Variants in JAK2 observed in about 807,000 individuals in gnomAD.
JAK2 encodes Janus kinase 2.
JAK2 carries 86 observed loss-of-function variants against 139.3 expected under a neutral mutation model. The observed-to-expected ratio is 0.62, with a 90% CI of 0.52 to 0.74. The LOEUF (loss-of-function observed/expected upper bound fraction) is 0.74, where lower values mean the gene tolerates loss of function less well. JAK2 is among the 30% of genes least tolerant of loss of function. The pLI is 0.00. For missense variants in JAK2, 1,421 were observed against 1,360.3 expected (o/e 1.04, Z -0.70); for synonymous variants, 490 against 437.7 (o/e 1.12, Z -1.49).
At chr9:5,006,580 A>C (rs1821317027) in intron 2 of JAK2, among the ~76,000 whole-genome samples, 1 of 152,202 alleles carries the variant, frequency 6.6e-6, no homozygotes, top group African/African-American at 2.4e-5. Context: ...CAGGAAATTT[A>C]CAATCATGGT....
At chr9:5,007,263 A>G (rs1467392434) in intron 2 of JAK2, among the ~76,000 whole-genome samples, 1 of 152,176 alleles carries the variant, frequency 6.6e-6, no homozygotes, top group Non-Finnish European at 1.5e-5. Context: ...ATCTTAGTAT[A>G]CACTTTTACT....
chr9:5,017,249 A>C (rs1254186860), intron 2 of JAK2, among the ~76,000 whole-genome samples: 1 of 152,234 alleles, frequency 6.6e-6, no homozygotes, highest in African/African-American at 2.4e-5. Flanking sequence ...ACAGAGCCCC[A>C]CTGAAAGGTC....
At chr9:5,081,426 A>G (rs942636866) in intron 18 of JAK2, among the ~76,000 whole-genome samples, 64 of 152,198 alleles carry the variant, frequency 4.2e-4, no homozygotes, top group African/African-American at 1.5e-3. Flanking sequence ...GGTGCTTTCT[A>G]CCCCAGTACT....
chr9:5,039,228 G>T (rs79642781), intron 4 of JAK2, among the ~76,000 whole-genome samples: 1 of 152,014 alleles, frequency 6.6e-6, no homozygotes, highest in Non-Finnish European at 1.5e-5. Flanking sequence ...TAGTCATCCC[G>T]CTGTATCCAT....
intron 23 of JAK2, chr9:5,126,111 G>T: frequency 5.0e-6 from 2 of 398,228 alleles, no homozygotes; most frequent in East Asian, 8.0e-5. Context: ...CTCCTCAGGG[G>T]ATTTGTGTTG....
chr9:5,059,938 T>G (rs1481073811), intron 8 of JAK2, among the ~76,000 whole-genome samples: 3 of 152,178 alleles, frequency 2.0e-5, no homozygotes, highest in Non-Finnish European at 4.4e-5. Context: ...ATTCTAAGTC[T>G]TTTGTAGGAT....
intron 8 of JAK2, among the ~76,000 whole-genome samples, chr9:5,062,965 C>T (rs1818290617): frequency 6.6e-6 from 1 of 151,880 alleles, no homozygotes; most frequent in Non-Finnish European, 1.5e-5. Context: ...TAGGTATATT[C>T]CTTTGTTATA....
chr9:5,035,966 G>T (rs921405522), intron 4 of JAK2, among the ~76,000 whole-genome samples: 7 of 152,156 alleles, frequency 4.6e-5, no homozygotes, highest in South Asian at 2.1e-4. Flanking sequence ...TGACATGATT[G>T]TATATCTGGA....
intron 19 of JAK2, chr9:5,086,076 A>C (rs574036238): frequency 3.0e-6 from 2 of 665,102 alleles, no homozygotes; most frequent in South Asian, 3.0e-5. Flanking sequence ...TATCTGAGAC[A>C]AGTCAAGTCC....
chr9:5,121,643 G>A (rs1369129279), intron 22 of JAK2, among the ~76,000 whole-genome samples: 2 of 152,156 alleles, frequency 1.3e-5, no homozygotes, highest in African/African-American at 4.8e-5. Context: ...AAGAGGCTTT[G>A]AAGCAAGAGA....
intron 2 of JAK2, among the ~76,000 whole-genome samples, chr9:4,999,295 A>C (rs1206988448): frequency 6.6e-6 from 1 of 152,200 alleles, no homozygotes; most frequent in Admixed American, 6.5e-5. Flanking sequence ...TTCTTAAGTG[A>C]AAGAATCATG....
chr9:5,079,296 CTA>C (rs1415579101), intron 16 of JAK2, among the ~76,000 whole-genome samples: 1 of 152,152 alleles, frequency 6.6e-6, no homozygotes, highest in Non-Finnish European at 1.5e-5. Flanking sequence ...GTCTGTCTGT[CTA>C]TGTCAGAATA....
chr9:5,001,356 C>T (rs997222459), intron 2 of JAK2, among the ~76,000 whole-genome samples: 2 of 151,980 alleles, frequency 1.3e-5, no homozygotes, highest in African/African-American at 4.8e-5. Context: ...TGAGGAAATT[C>T]CCTTCTTTTT....
intron 2 of JAK2, among the ~76,000 whole-genome samples, chr9:5,003,772 G>A (rs1821084971): frequency 6.6e-6 from 1 of 152,046 alleles, no homozygotes; most frequent in Non-Finnish European, 1.5e-5. Context: ...AGACATGATT[G>A]TTACGTTTTT....
intron 8 of JAK2, among the ~76,000 whole-genome samples, chr9:5,063,378 C>T (rs1818326035): frequency 6.6e-6 from 1 of 152,202 alleles, no homozygotes; most frequent in Non-Finnish European, 1.5e-5. Context: ...AGAAGTACCT[C>T]TTCGATCACA....
chr9:5,050,231 G>T (rs1817317904), intron 5 of JAK2, among the ~76,000 whole-genome samples: 1 of 152,166 alleles, frequency 6.6e-6, no homozygotes, highest in Non-Finnish European at 1.5e-5. Context: ...ATTTGCAAAT[G>T]AACTTTTATT....
chr9:5,117,331 T>A (rs1823272972), intron 22 of JAK2, among the ~76,000 whole-genome samples: 1 of 152,226 alleles, frequency 6.6e-6, no homozygotes, highest in Non-Finnish European at 1.5e-5. Context: ...GGTGGGAAAT[T>A]AGAGGCTTTA....
At chr9:5,008,855 T>C (rs1183193865) in intron 2 of JAK2, among the ~76,000 whole-genome samples, 3 of 152,190 alleles carry the variant, frequency 2.0e-5, no homozygotes, top group Non-Finnish European at 4.4e-5. Context: ...TTTAGAATTG[T>C]ACTCCCTGGA....
At chr9:5,078,171 T>C (rs1425990172) in intron 15 of JAK2, 135 bp from the exon 16 acceptor site, 2 of 639,504 alleles carry the variant, frequency 3.1e-6, no homozygotes, top group Non-Finnish European at 5.2e-6. Flanking sequence ...TTTCCTTTTT[T>C]CTCAATGCAT....
Sources: gnomAD v4.1 joint callset for allele counts (sites outside exome capture counted in the v4.1 genomes callset) on GRCh38, gnomAD v4.1.1 for gene constraint, MANE v1.5 for transcripts, NCBI Gene and HGNC (gene_info 2026-07-23, HGNC 2026-07-21) for gene names.